GATAD2A: variants seen among roughly 807,000 people sequenced by gnomAD.
GATAD2A encodes the protein GATA zinc finger domain containing 2A, also known as transcriptional repressor p66-alpha.
A neutral mutation model predicts 68.5 loss-of-function variants in GATAD2A; 12 were observed. The ratio of observed to expected loss-of-function variants is 0.18; its 90% CI spans 0.11 to 0.28. The LOEUF (loss-of-function observed/expected upper bound fraction) is 0.28. Ranked by LOEUF, GATAD2A falls within the 10% of genes least tolerant of loss-of-function variation. GATAD2A has a pLI of 1.00. For synonymous variants in GATAD2A, 410 were observed against 375.3 expected (o/e 1.09, Z -1.07); for missense variants, 755 against 868.5 (o/e 0.87, Z 1.64).
At chr19:19,496,277 C>T in intron 7 of GATAD2A, 58 bp downstream of exon 7, 1 of 1,491,582 alleles carries the variant, frequency 6.7e-7, no homozygotes, top group Non-Finnish European at 9.3e-7. Flanking sequence ...TGACTGCTCC[C>T]CTTGGACCCA....
At chr19:19,485,241 C>T (rs2059356261) in intron 2 of GATAD2A, among the ~76,000 whole-genome samples, 1 of 152,236 alleles carries the variant, frequency 6.6e-6, no homozygotes, top group South Asian at 2.1e-4. Context: ...TATGGGTTAG[C>T]TCCCCAGGGG....
chr19:19,420,539 A>G (rs1184760315), intron 1 of GATAD2A, among the ~76,000 whole-genome samples: 3 of 139,046 alleles, frequency 2.2e-5, no homozygotes, highest in African/African-American at 8.2e-5. Flanking sequence ...ATGGGGTTTC[A>G]CTGTGTTAGC....
chr19:19,494,524 C>T, intron 5 of GATAD2A, 141 bp downstream of exon 5: 1 of 586,024 alleles, frequency 1.7e-6, no homozygotes, highest in East Asian at 2.9e-5. Flanking sequence ...GAGTGAGGCC[C>T]TCCAGCCCAC....
In GATAD2A at chr19:19,466,054, C is replaced by A. The variant is rs180971131; in HGVS notation, c.269+440C>A. Among the ~76,000 whole-genome samples the A allele has an allele frequency of 2.6e-4, 39 of 152,322 alleles. 1 individual carries two copies. Among genetic ancestry groups the A allele is most frequent in the Admixed American group, 2.4e-3 (37 of 15,308 alleles). ...GCTAGGGATAGAGTTGGGAGCCCAG[C>A]CCAGGGCACCCTCCTCGGAGCGGGT... On this transcript the variant is annotated intron_variant, in intron 2 of 11. Coordinates refer to ENST00000683918, the MANE Select transcript of GATAD2A (RefSeq NM_001384528.1).
intron 1 of GATAD2A, among the ~76,000 whole-genome samples, chr19:19,424,032 T>G (rs553028160): frequency 8.5e-5 from 13 of 152,302 alleles, no homozygotes; most frequent in Admixed American, 5.9e-4. Context: ...CAAGTGATCC[T>G]TCCACCTCAG....
intron 1 of GATAD2A, among the ~76,000 whole-genome samples, chr19:19,454,116 G>A (rs1345719938): frequency 6.6e-6 from 1 of 151,832 alleles, no homozygotes; most frequent in African/African-American, 2.4e-5. Context: ...TCCTGCCTCA[G>A]CCCCTGGAGT....
At chr19:19,474,419 T>A (rs570148744) in intron 2 of GATAD2A, among the ~76,000 whole-genome samples, 21 of 152,244 alleles carry the variant, frequency 1.4e-4, no homozygotes, top group Admixed American at 1.3e-3. Flanking sequence ...GCCCTTCCTG[T>A]TTTGGTGCTT....
chr19:19,465,813 A>G (rs2057822567), intron 2 of GATAD2A, among the ~76,000 whole-genome samples, 199 bp downstream of exon 2: 1 of 152,252 alleles, frequency 6.6e-6, no homozygotes, highest in East Asian at 1.9e-4. Context: ...CCCAACTGCA[A>G]GTGGCACAGA....
chr19:19,430,976 G>GGGGTGTGTGTGTGTGT (rs140794575), intron 1 of GATAD2A, among the ~76,000 whole-genome samples: 3 of 136,694 alleles, frequency 2.2e-5, no homozygotes, highest in African/African-American at 8.4e-5. Flanking sequence ...GTATGGTAGG[G>GGGGTGTGTGTGTGTGT]GTGTGTGTGT....
chr19:19,431,778 C>T (rs934839039), intron 1 of GATAD2A, among the ~76,000 whole-genome samples: 4 of 151,516 alleles, frequency 2.6e-5, no homozygotes, highest in African/African-American at 9.7e-5. Flanking sequence ...GGGCATCAGG[C>T]AGATACCCCT....
At chr19:19,459,745 T>C (rs1467869472) in intron 1 of GATAD2A, among the ~76,000 whole-genome samples, 2 of 152,210 alleles carry the variant, frequency 1.3e-5, no homozygotes, top group African/African-American at 2.4e-5. Flanking sequence ...TGTGGTTGAT[T>C]GACAGACCTC....
intron 1 of GATAD2A, among the ~76,000 whole-genome samples, chr19:19,411,746 C>T (rs575249706): frequency 1.2e-4 from 19 of 152,314 alleles, no homozygotes; most frequent in Middle Eastern, 3.4e-3. Context: ...AAAGTGTCTA[C>T]AGGCAGTCAG....
chr19:19,490,693 C>T (rs1194873371), intron 2 of GATAD2A, among the ~76,000 whole-genome samples: 2 of 152,034 alleles, frequency 1.3e-5, no homozygotes, highest in African/African-American at 4.8e-5. Flanking sequence ...ACCACCCTGG[C>T]CAGCATGGTG....
At chr19:19,416,468 A>G (rs2051656655) in intron 1 of GATAD2A, among the ~76,000 whole-genome samples, 1 of 152,180 alleles carries the variant, frequency 6.6e-6, no homozygotes, top group Admixed American at 6.5e-5. Flanking sequence ...CCCTTGGGAA[A>G]TACAGAGGGG....
chr19:19,429,128 T>G lies in GATAD2A; in HGVS notation c.-7+23109T>G, dbSNP rs2053440138. 9.8e-6 allele frequency: 9 copies of G among 914,266 alleles called. No homozygotes were observed. The Admixed American group carries it at 5.6e-4, about 57-fold the overall frequency. 56.6% of individuals were successfully genotyped at this position (914,266 alleles called of 1,614,324 possible). On this transcript the variant is annotated intron_variant, in intron 1 of 11. Coordinates refer to ENST00000683918, the MANE Select transcript of GATAD2A (RefSeq NM_001384528.1). ...CTCCTCCTCCGTGCCCACGTGGGTGTTAGATGAGGTGATGCGCAAGCGCCT... is the reference window on the plus strand; with the variant it reads ...CTCCTCCTCCGTGCCCACGTGGGTGGTAGATGAGGTGATGCGCAAGCGCCT...
chr19:19,478,774 T>C (rs1015672564), intron 2 of GATAD2A, among the ~76,000 whole-genome samples: 1 of 149,274 alleles, frequency 6.7e-6, no homozygotes, highest in Admixed American at 6.7e-5. Context: ...GGCACCACTG[T>C]ACTCCAGGCT....
At chr19:19,412,788 C>T (rs1047519287) in intron 1 of GATAD2A, among the ~76,000 whole-genome samples, 4 of 152,180 alleles carry the variant, frequency 2.6e-5, no homozygotes, top group Non-Finnish European at 5.9e-5. Flanking sequence ...CTATACTCAA[C>T]ACATTCTTAC....
chr19:19,412,327 T>G (rs542458975), intron 1 of GATAD2A, among the ~76,000 whole-genome samples: 1 of 151,934 alleles, frequency 6.6e-6, no homozygotes, highest in Admixed American at 6.6e-5. Context: ...GGCTAATTTT[T>G]TGTATATTTA....
At chr19:19,470,101 C>A (rs562410382) in intron 2 of GATAD2A, among the ~76,000 whole-genome samples, 1 of 151,228 alleles carries the variant, frequency 6.6e-6, no homozygotes, top group African/African-American at 2.4e-5. Flanking sequence ...AGATAAAAGA[C>A]ACTTTAAGAC....
Sources: allele counts gnomAD v4.1 joint callset (sites outside exome capture counted in the v4.1 genomes callset), GRCh38; gene constraint gnomAD v4.1.1; transcripts MANE v1.5; gene names NCBI Gene and HGNC (gene_info 2026-07-23, HGNC 2026-07-21).